CDHR2: variants seen among roughly 807,000 people sequenced by gnomAD.
CDHR2 encodes cadherin related family member 2.
CDHR2 carries 104 observed loss-of-function variants against 138.6 expected under a neutral mutation model. The observed-to-expected ratio is 0.75, with a 90% CI of 0.64 to 0.88. The LOEUF (loss-of-function observed/expected upper bound fraction) is 0.88, where lower values mean the gene tolerates loss of function less well. Among genes scored for constraint, CDHR2 ranks in the 40% least tolerant of loss-of-function variants. CDHR2 has a pLI of 0.00. For synonymous variants in CDHR2, 755 were observed against 742.8 expected (o/e 1.02, Z -0.27); for missense variants, 1,624 against 1,727.6 (o/e 0.94, Z 1.06).
intron 2 of CDHR2, 26 bp from the exon 3 acceptor site, chr5:176,565,646 T>C (rs760847136): frequency 1.4e-5 from 22 of 1,606,540 alleles, no homozygotes; most frequent in Admixed American, 5.0e-5. Context: ...GGTGTCCCGA[T>C]GTTCCAGCAC....
chr5:176,595,248 T>G (rs908482761), intron 31 of CDHR2, among the ~76,000 whole-genome samples: 9 of 152,124 alleles, frequency 5.9e-5, no homozygotes, highest in African/African-American at 2.2e-4. Flanking sequence ...GGCCTGGCAT[T>G]ATTTGGAACT....
At chr5:176,555,690 T>C (rs1261165054) in intron 1 of CDHR2, among the ~76,000 whole-genome samples, 1 of 151,938 alleles carries the variant, frequency 6.6e-6, no homozygotes, top group African/African-American at 2.4e-5. Flanking sequence ...GTGGATCACC[T>C]GAGGTCAGGA....
chr5:176,590,488 G>A lies in CDHR2; in HGVS notation c.3414+3G>A. 2 of 1,613,918 alleles carry A rather than the reference G, an allele frequency of 1.2e-6. No individual in the cohort carries two copies. The highest frequency in any genetic ancestry group is 1.7e-6 in the Non-Finnish European group (2 of 1,179,892). On this transcript the variant is annotated splice_donor_region_variant and intron_variant, in intron 27 of 31. Transcript: ENST00000261944. ...TGCAGCTGGGGCTGGTGGTGCTGGT[G>A]AGTGCGGGCAGGGCGGGGCAGCAGG...
At chr5:176,593,293 A>AGCACCT (rs1758934642) in intron 31 of CDHR2, among the ~76,000 whole-genome samples, 1 of 152,218 alleles carries the variant, frequency 6.6e-6, no homozygotes, top group Admixed American at 6.5e-5. Context: ...GCTGCGTAAA[A>AGCACCT]GCACCTGAGG....
chr5:176,544,141 G>C (rs1320053479), intron 1 of CDHR2, among the ~76,000 whole-genome samples: 1 of 152,264 alleles, frequency 6.6e-6, no homozygotes, highest in Non-Finnish European at 1.5e-5. Flanking sequence ...CCCAGGTTTA[G>C]CTCCTCTGCG....
intron 1 of CDHR2, among the ~76,000 whole-genome samples, chr5:176,559,923 G>A (rs1757927879): frequency 6.6e-6 from 1 of 152,120 alleles, no homozygotes; most frequent in African/African-American, 2.4e-5. Context: ...TATCGGCTTC[G>A]TATGTGAGAA....
At chr5:176,545,877 C>T (rs551100708), upstream of CDHR2, among the ~76,000 whole-genome samples, 69 of 152,324 alleles carry the variant, frequency 4.5e-4, no homozygotes, top group Admixed American at 2.0e-3. Flanking sequence ...TGGTGCCCCT[C>T]GAGATGGGCA....
chr5:176,554,487 T>C (rs1047093798), intron 1 of CDHR2, among the ~76,000 whole-genome samples: 9 of 152,186 alleles, frequency 5.9e-5, no homozygotes, highest in Admixed American at 5.9e-4. Flanking sequence ...GTGGGGTTAT[T>C]ATTCTCACAG....
Position 176,590,638 on chromosome 5 carries a change from C to T in CDHR2, c.3490C>T (p.Leu1164=). ...SVIIGLGVAL[L]LVLVIMTMAF... ...CATCATAGGATTGGGAGTGGCTTTG[C>T]TGCTGGTCCTTGTGATCATGACCAT... The change falls in exon 28 of 32, where the codon CTG becomes TTG. Residue 1164 remains leucine (L), a synonymous_variant. Coordinates refer to ENST00000261944, the MANE Select transcript of CDHR2 (RefSeq NM_017675.6). 6.2e-7 allele frequency: 1 copy of T among 1,613,698 alleles called. No individual in the cohort carries two copies. Among genetic ancestry groups the T allele is most frequent in the East Asian group, 2.2e-5 (1 of 44,854 alleles).
rs1758394076 is a variant in CDHR2 at position 176,576,884 on chromosome 5, G to A, written c.1195-515G>A. ...GAGCCACCGCGCCCAGCCATGGGAGGCACTCTTAAGTGGAGGCTGCAGTGA... is the reference window on the plus strand; with the variant it reads ...GAGCCACCGCGCCCAGCCATGGGAGACACTCTTAAGTGGAGGCTGCAGTGA... On this transcript the variant is annotated intron_variant, in intron 12 of 31. Transcript: ENST00000261944. This position sits in a 1 kb window ranked among gnomAD's most constrained non-coding sequence, Gnocchi z 4.5. Among the ~76,000 whole-genome samples the A allele has an allele frequency of 1.3e-5, 2 of 152,148 alleles. No individual in the cohort carries two copies. The highest frequency in any genetic ancestry group is 2.9e-5 in the Non-Finnish European group (2 of 68,022).
In CDHR2 at chr5:176,553,845, C is replaced by T. The variant is rs1174385096; in HGVS notation, c.-16+4431C>T. Among the ~76,000 whole-genome samples, 8 of 152,154 alleles carry T rather than the reference C, an allele frequency of 5.3e-5. No homozygotes were observed. The highest frequency in any genetic ancestry group is 1.0e-4 in the Non-Finnish European group (7 of 68,026). ...CCTACTTACCACCACCAGTGCCACC[C>T]CTACCCCCGAGGGATCCCTATCCTG... is the stretch of plus-strand genomic sequence containing the variant. On this transcript the variant is annotated intron_variant, in intron 1 of 31. Transcript: ENST00000261944. The surrounding 1 kb of genome is among the most constrained non-coding windows in gnomAD (Gnocchi z 4.3).
At chr5:176,573,948 C>T (rs1030326934) in intron 6 of CDHR2, 135 bp from the exon 7 acceptor site, 103 of 660,074 alleles carry the variant, frequency 1.6e-4, no homozygotes, top group Non-Finnish European at 2.4e-4. Flanking sequence ...CCACCCGCAG[C>T]CCTGGTGGGA....
upstream of CDHR2, among the ~76,000 whole-genome samples, chr5:176,545,745 C>T (rs1757573000): frequency 6.6e-6 from 1 of 152,198 alleles, no homozygotes; most frequent in Non-Finnish European, 1.5e-5. Context: ...ATCCTGGGCT[C>T]TTAGTCCCAC....
chr5:176,593,204 G>A (rs933035224), intron 31 of CDHR2, among the ~76,000 whole-genome samples: 1 of 152,172 alleles, frequency 6.6e-6, no homozygotes, highest in Non-Finnish European at 1.5e-5. Context: ...AGAGAAGATG[G>A]GTTCAAATAA....
At chr5:176,544,726 C>T (rs1306638036), upstream of CDHR2, among the ~76,000 whole-genome samples, 1 of 152,232 alleles carries the variant, frequency 6.6e-6, no homozygotes, top group Non-Finnish European at 1.5e-5. Flanking sequence ...GCGTGAGCTA[C>T]CGCGCCCAGC....
chr5:176,577,609 C>T (rs1581142694), intron 13 of CDHR2, 28 bp from the exon 14 acceptor site: 2 of 1,613,986 alleles, frequency 1.2e-6, no homozygotes, highest in Admixed American at 1.7e-5. Flanking sequence ...TTGGGCCCCA[C>T]AGCTGCTGCC....
chr5:176,566,983 T>C, intron 3 of CDHR2: 1 of 456,256 alleles, frequency 2.2e-6, no homozygotes, highest in Non-Finnish European at 4.4e-6. Context: ...AGCTGCCAGA[T>C]GAAACAAGAG....
At chr5:176,592,085 T>C in intron 30 of CDHR2, among the ~76,000 whole-genome samples, 1 of 62,956 alleles carries the variant, frequency 1.6e-5, no homozygotes. Context: ...GTTATCGTGG[T>C]GGTGGTGGTG....
At chr5:176,578,157 C>A in intron 15 of CDHR2, 62 bp downstream of exon 15, 1 of 1,453,368 alleles carries the variant, frequency 6.9e-7, no homozygotes, top group Non-Finnish European at 9.5e-7. Flanking sequence ...ACCTCTCTGC[C>A]TCTCTGCAGA....
Sources: gnomAD v4.1 joint callset for allele counts (sites outside exome capture counted in the v4.1 genomes callset) on GRCh38, gnomAD v4.1.1 for gene constraint, Gnocchi (gnomAD v3.1) non-coding constraint, MANE v1.5 for transcripts, NCBI Gene and HGNC (gene_info 2026-07-23, HGNC 2026-07-21) for gene names.